Variants in HS2ST1 observed in about 807,000 individuals in gnomAD.
The protein encoded by HS2ST1 is heparan sulfate 2-O-sulfotransferase 1, also known as 2-O-sulfotransferase.
Under a neutral mutation model 42.9 loss-of-function variants are expected in HS2ST1, and 18 were observed. The observed-to-expected ratio is 0.42, with a 90% CI of 0.29 to 0.62. HS2ST1 has a LOEUF of 0.62. HS2ST1 is among the 20% of genes least tolerant of loss of function. The pLI, the probability that HS2ST1 is intolerant of heterozygous loss-of-function variation, is 0.21. For synonymous variants in HS2ST1, 146 were observed against 152.9 expected (o/e 0.95, Z 0.33); for missense variants, 334 against 433.8 (o/e 0.77, Z 2.04).
chr1:86,993,876 G>A (rs1019653972), intron 1 of HS2ST1, among the ~76,000 whole-genome samples: 3 of 152,066 alleles, frequency 2.0e-5, no homozygotes, highest in African/African-American at 2.4e-5. Context: ...GGGTAATATG[G>A]GAACACATAT....
At chr1:87,058,445 T>G (rs1651031954) in intron 1 of HS2ST1, among the ~76,000 whole-genome samples, 1 of 151,640 alleles carries the variant, frequency 6.6e-6, no homozygotes, top group Non-Finnish European at 1.5e-5. Context: ...GTGCACTGTT[T>G]TGTTTTGTTT....
At position 86,915,099 on chromosome 1, in the gene HS2ST1, G is replaced by T; in HGVS notation, c.63G>T (p.Ala21=). The T allele has an allele frequency of 6.2e-7, 1 of 1,614,092 alleles. No individual in the cohort carries two copies. Among genetic ancestry groups the T allele is most frequent in the Non-Finnish European group, 8.5e-7 (1 of 1,180,000 alleles). Residue 21 remains alanine (A), a synonymous_variant, in exon 1 of 7, where the codon GCG becomes GCT. Coordinates refer to ENST00000370550, the MANE Select transcript of HS2ST1 (RefSeq NM_012262.4). Reference sequence around the variant, plus strand: ...AGCTGCTGGCGGTGGTGGCCTTCGCGGTGGCGATGCTCTTCTTGGAAAACC... The same window carrying T: ...AGCTGCTGGCGGTGGTGGCCTTCGCTGTGGCGATGCTCTTCTTGGAAAACC... ...KLQLLAVVAF[A]VAMLFLENQI...
At chr1:87,104,370 A>G (rs1652283561) in intron 6 of HS2ST1, 100 bp from the exon 7 acceptor site, 1 of 736,602 alleles carries the variant, frequency 1.4e-6, no homozygotes, top group Admixed American at 2.4e-5. Flanking sequence ...CCTGTTCTTA[A>G]TGTGTCATAT....
intron 1 of HS2ST1, among the ~76,000 whole-genome samples, chr1:87,004,754 A>G (rs1649388098): frequency 6.6e-6 from 1 of 152,330 alleles, no homozygotes; most frequent in Middle Eastern, 3.4e-3. Flanking sequence ...TAAAGGTGCT[A>G]TAGAGCTTCA....
Position 87,045,202 on chromosome 1 carries a change from G to A in HS2ST1, c.125-27732G>A, listed in dbSNP as rs998980269. 2.1e-5 allele frequency: 20 copies of A among 937,146 alleles called. No homozygotes were observed. The Admixed American group carries it at 3.4e-4, about 16-fold the overall frequency. 58.1% of individuals were successfully genotyped at this position (937,146 alleles called of 1,614,324 possible). A position where few individuals can be genotyped will look rare whatever the true frequency, so the allele number is the denominator to read the frequency against. ...GCTTGTTTTGGCCCCACTTTTTCTG[G>A]GGCATCACCAACACTTCAAATTCAA... On this transcript the variant is annotated intron_variant, in intron 1 of 6. Transcript: ENST00000370550.
At chr1:86,971,347 A>G (rs1002249311) in intron 1 of HS2ST1, among the ~76,000 whole-genome samples, 1 of 152,208 alleles carries the variant, frequency 6.6e-6, no homozygotes, top group Non-Finnish European at 1.5e-5. Flanking sequence ...TTATTTCTTC[A>G]GTTCTGTGAG....
Position 87,107,095 on chromosome 1 carries a change from C to T in HS2ST1, c.*2399C>T, listed in dbSNP as rs552460248. The T allele has an allele frequency of 6.6e-6, 1 of 152,172 alleles. No individual in the cohort carries two copies. Among genetic ancestry groups the T allele is most frequent in the Non-Finnish European group, 1.5e-5 (1 of 67,912 alleles). The allele number at this position is 152,172 out of a possible 1,614,324, so 9.4% of individuals were successfully genotyped here. ...CTTTATTTACAAAAACAGATGACATCCCAGATGCAGACCATGGGCAACCAA... is the reference window on the plus strand; with the variant it reads ...CTTTATTTACAAAAACAGATGACATTCCAGATGCAGACCATGGGCAACCAA... On this transcript the variant is annotated 3_prime_UTR_variant, in exon 7 of 7. Transcript: ENST00000370550.
At chr1:87,067,013 C>T (rs1651270090) in intron 1 of HS2ST1, among the ~76,000 whole-genome samples, 1 of 152,128 alleles carries the variant, frequency 6.6e-6, no homozygotes, top group Non-Finnish European at 1.5e-5. Context: ...CTATTGTAAA[C>T]AGTGCCACAG....
Position 87,104,510 on chromosome 1 carries a change from C to T in HS2ST1, c.885C>T (p.Leu295=). 2 of 1,613,160 alleles carry T rather than the reference C, an allele frequency of 1.2e-6. No homozygotes were observed. Among genetic ancestry groups the T allele is most frequent in the Non-Finnish European group, 1.7e-6 (2 of 1,179,252 alleles). Residue 295 remains leucine, a synonymous_variant, in exon 7 of 7, where the codon CTC becomes CTT. Coordinates refer to ENST00000370550, the MANE Select transcript of HS2ST1 (RefSeq NM_012262.4). ...SHLRKTTEKK[L]PTKQTIAKLQ... is the part of the protein sequence containing the mutation. ...TTAGGAAAACCACAGAGAAGAAACT[C>T]CCCACTAAACAAACCATTGCAAAAC...
intron 1 of HS2ST1, among the ~76,000 whole-genome samples, chr1:87,035,351 C>CT (rs1331376937): frequency 2.0e-5 from 3 of 152,140 alleles, no homozygotes. Context: ...TTAAATATAT[C>CT]TTTCTTTGAA....
intron 1 of HS2ST1, among the ~76,000 whole-genome samples, chr1:86,925,472 A>C (rs186254032): frequency 6.6e-6 from 1 of 152,302 alleles, no homozygotes; most frequent in East Asian, 1.9e-4. Flanking sequence ...AATTAACTAA[A>C]AGACGTTTAA....
chr1:86,960,214 C>A lies in HS2ST1; in HGVS notation c.124+45054C>A, dbSNP rs572803209. On this transcript the variant is annotated intron_variant, in intron 1 of 6. Coordinates refer to ENST00000370550, the MANE Select transcript of HS2ST1 (RefSeq NM_012262.4). ...ACTGGAATAACAGGATATCTCATTCCCCTCCACGCCACCAAAAAAAAAAAA... is the reference window on the plus strand; with the variant it reads ...ACTGGAATAACAGGATATCTCATTCACCTCCACGCCACCAAAAAAAAAAAA... Among the ~76,000 whole-genome samples the A allele has an allele frequency of 3.0e-5, 4 of 131,688 alleles. No homozygotes were observed. The South Asian group carries it at 1.1e-3, about 35-fold the overall frequency. The allele number at this position is 131,688 out of a possible 152,430, so 86.4% of individuals were successfully genotyped here. A position where few individuals can be genotyped will look rare whatever the true frequency, so the allele number is the denominator to read the frequency against.
intron 1 of HS2ST1, among the ~76,000 whole-genome samples, chr1:86,961,449 C>T (rs1302059219): frequency 2.0e-5 from 3 of 151,880 alleles, no homozygotes; most frequent in Non-Finnish European, 4.4e-5. Flanking sequence ...GTTTTTATCT[C>T]TGTGGAAGGG....
rs942188698 is a variant in HS2ST1 at position 86,964,042 on chromosome 1, G to A, written c.124+48882G>A. ...CGCTCCTCACCTCCCAGACGGGGTC[G>A]CGGCCGGGCAGAGGCGCTCCTCACA... is the stretch of plus-strand genomic sequence containing the variant. On this transcript the variant is annotated intron_variant, in intron 1 of 6. Coordinates refer to ENST00000370550, the MANE Select transcript of HS2ST1 (RefSeq NM_012262.4). Among the ~76,000 whole-genome samples the A allele has an allele frequency of 8.0e-5, 12 of 150,634 alleles. No homozygotes were observed. The South Asian group carries it at 8.5e-4, about 11-fold the overall frequency.
rs570518145 is a variant in HS2ST1 at position 86,971,313 on chromosome 1, CAAAA to C, written c.124+56159_124+56162del. Among the ~76,000 whole-genome samples, 28 of 151,040 alleles carry C rather than the reference CAAAA, an allele frequency of 1.9e-4. No individual in the cohort carries two copies. In the East Asian group the frequency reaches 5.2e-3, roughly 28 times the overall value. ...AAAAACAAAACAAAACAAAACAAAA[CAAAA>C]AAAAACCTTGGCGGTTTAGTTATTT... is the stretch of plus-strand genomic sequence containing the variant. On this transcript the variant is annotated intron_variant, in intron 1 of 6. Transcript: ENST00000370550.
At chr1:86,979,614 C>T (rs6695270) in intron 1 of HS2ST1, among the ~76,000 whole-genome samples, 96,285 of 152,128 alleles carry the variant, frequency 0.63, 32,461 homozygotes, top group East Asian at 0.83. Flanking sequence ...TATTCACGGA[C>T]ACTTGGATTG....
intron 1 of HS2ST1, among the ~76,000 whole-genome samples, chr1:87,014,062 C>T (rs1649680451): frequency 6.6e-6 from 1 of 152,180 alleles, no homozygotes; most frequent in South Asian, 2.1e-4. Flanking sequence ...CCAAACTGTT[C>T]CAACCTCTGC....
At chr1:86,999,622 G>T (rs977868728) in intron 1 of HS2ST1, among the ~76,000 whole-genome samples, 2 of 151,972 alleles carry the variant, frequency 1.3e-5, no homozygotes, top group African/African-American at 4.8e-5. Flanking sequence ...TCTCCCATTT[G>T]ACTCAATTTA....
intron 1 of HS2ST1, among the ~76,000 whole-genome samples, chr1:86,947,734 T>TA (rs1027052345): frequency 3.9e-5 from 6 of 152,158 alleles, no homozygotes; most frequent in African/African-American, 1.4e-4. Context: ...AGAGTTATTA[T>TA]ATGCTGGGTG....
Sources: gnomAD v4.1 joint callset for allele counts (sites outside exome capture counted in the v4.1 genomes callset) on GRCh38, gnomAD v4.1.1 for gene constraint, MANE v1.5 for transcripts, NCBI Gene and HGNC (gene_info 2026-07-23, HGNC 2026-07-21) for gene names.